The following FAM13B variants were observed in gnomAD, a reference collection of about 807,000 sequenced individuals.
The protein encoded by FAM13B is family with sequence similarity 13 member B, also known as protein FAM13B.
Under a neutral mutation model 117.3 loss-of-function variants are expected in FAM13B, and 60 were observed. The observed-to-expected ratio is 0.51, with a 90% confidence interval of 0.42 to 0.63. The LOEUF (loss-of-function observed/expected upper bound fraction) is 0.63, where lower values mean the gene tolerates loss of function less well. FAM13B is among the 30% of genes least tolerant of loss of function. The pLI, the probability that FAM13B is intolerant of heterozygous loss-of-function variation, is 0.00. For synonymous variants in FAM13B, 332 were observed against 356.1 expected, an observed-to-expected ratio of 0.93 and a Z score of 0.76; for missense variants, 972 against 1,091.9, an observed-to-expected ratio of 0.89 and a Z score of 1.55.
At chr5:137,942,150 G>A in intron 22 of FAM13B, 105 bp from the exon 23 acceptor site, 2 of 868,602 alleles carry the variant, frequency 2.3e-6, no homozygotes, top group Non-Finnish European at 3.6e-6. Flanking sequence ...GGAACTGTTA[G>A]GTCTACCAAT....
At chr5:138,004,553 A>C (rs1019755232) in intron 7 of FAM13B, among the ~76,000 whole-genome samples, 1 of 152,202 alleles carries the variant, frequency 6.6e-6, no homozygotes, top group African/African-American at 2.4e-5. Flanking sequence ...GAGCACTTGA[A>C]ATGTAGGTGG....
rs1763395521 is a variant in FAM13B at position 137,946,247 on chromosome 5, T to C, written c.2225A>G (p.Glu742Gly). 1 of 1,590,164 alleles carries C rather than the reference T, an allele frequency of 6.3e-7. No individual in the cohort carries two copies. Among genetic ancestry groups the C allele is most frequent in the Non-Finnish European group, 8.5e-7 (1 of 1,173,488 alleles). ...TATTACCGGCCTTCCATGTTGACTT[T>C]CATAGTAAAGAAGACTTTTCTGAAG... ...ASLQKSLLYYESQHGRPVTKE... is the reference protein window; with the variant it reads ...ASLQKSLLYYGSQHGRPVTKE... The change falls in exon 19 of 24, where the codon GAA (glutamate) becomes GGA (glycine). Residue 742 changes from glutamate (E) to glycine (G), a missense_variant. By Grantham distance (98) the Glu-to-Gly change is moderately conservative (BLOSUM62 -2). Transcript: ENST00000689681.
intron 11 of FAM13B, among the ~76,000 whole-genome samples, 184 bp downstream of exon 11, chr5:137,962,221 G>A (rs992449179): frequency 6.6e-6 from 1 of 152,112 alleles, no homozygotes; most frequent in Non-Finnish European, 1.5e-5. Context: ...GTCTGAACCT[G>A]TACAAATCCA....
At chr5:138,011,470 G>A (rs556320125) in intron 5 of FAM13B, among the ~76,000 whole-genome samples, 55 of 151,752 alleles carry the variant, frequency 3.6e-4, no homozygotes, top group Middle Eastern at 6.8e-3. Flanking sequence ...CCAGGCTGGA[G>A]TGCATTGGCG....
At chr5:137,982,289 A>C (rs1775982828) in intron 10 of FAM13B, among the ~76,000 whole-genome samples, 1 of 152,208 alleles carries the variant, frequency 6.6e-6, no homozygotes, top group African/African-American at 2.4e-5. Context: ...GTGGTGGCTC[A>C]GGCCTATAAT....
intron 11 of FAM13B, 39 bp downstream of exon 11, chr5:137,962,366 T>A (rs1279898961): frequency 1.3e-5 from 21 of 1,584,884 alleles, no homozygotes; most frequent in Non-Finnish European, 1.6e-5. Context: ...GAGCTCCAAT[T>A]CTCAAAATGA....
At chr5:138,037,588 A>C (rs1041333168), upstream of FAM13B, among the ~76,000 whole-genome samples, 1 of 152,006 alleles carries the variant, frequency 6.6e-6, no homozygotes, top group Non-Finnish European at 1.5e-5. Context: ...CATCCTTTAC[A>C]TGAGTTTGAC....
intron 15 of FAM13B, among the ~76,000 whole-genome samples, 177 bp downstream of exon 15, chr5:137,953,989 T>C (rs573071061): frequency 6.7e-6 from 1 of 149,912 alleles, no homozygotes; most frequent in Admixed American, 6.6e-5. Flanking sequence ...ATGTGCTCTA[T>C]AAAATCAGTG....
intron 1 of FAM13B, among the ~76,000 whole-genome samples, chr5:138,030,468 A>C (rs1257320372): frequency 1.3e-5 from 2 of 151,290 alleles, no homozygotes; most frequent in Non-Finnish European, 2.9e-5. Context: ...GCTGGCCTCA[A>C]ACTCCTAAGC....
chr5:137,985,223 TG>T, intron 10 of FAM13B, 33 bp downstream of exon 10: 4 of 1,602,492 alleles, frequency 2.5e-6, no homozygotes, highest in Non-Finnish European at 3.4e-6. Context: ...CAATCAAAGT[TG>T]TACATCTAAC....
chr5:138,038,331 G>A (rs1791352229), intron 1 of FAM13B, among the ~76,000 whole-genome samples: 1 of 152,160 alleles, frequency 6.6e-6, no homozygotes, highest in African/African-American at 2.4e-5. Context: ...AGACATGACT[G>A]TAAATACAGA....
intron 4 of FAM13B, among the ~76,000 whole-genome samples, chr5:138,017,174 TA>T (rs1785475060): frequency 1.3e-5 from 2 of 152,196 alleles, no homozygotes; most frequent in African/African-American, 2.4e-5. Context: ...TTCCTGAATA[TA>T]GCAAGTTCAA....
chr5:138,012,045 A>G (rs1784153811), intron 4 of FAM13B, 100 bp from the exon 5 acceptor site: 1 of 759,326 alleles, frequency 1.3e-6, no homozygotes, highest in African/African-American at 1.8e-5. Flanking sequence ...CCTTTTTAAT[A>G]CAACAATTCA....
Position 137,985,117 on chromosome 5 carries a change from A to C in FAM13B, c.1179+140T>G, listed in dbSNP as rs577392091. The C allele has an allele frequency of 1.2e-5, 11 of 897,798 alleles. No individual in the cohort carries two copies. In the African/African-American group the frequency reaches 1.5e-4, roughly 12 times the overall value. 55.6% of individuals were successfully genotyped at this position (897,798 alleles called of 1,614,324 possible). A position where few individuals can be genotyped will look rare whatever the true frequency, so the allele number is the denominator to read the frequency against. The stretch of plus-strand genomic sequence containing the variant: ...ACCCAGTGATGTTTCCTAAACTCTG[A>C]AACAATGTATATTCTTGGGGATTTA... On this transcript the variant is annotated intron_variant, in intron 10 of 23. Coordinates refer to ENST00000689681, the MANE Select transcript of FAM13B (RefSeq NM_001385994.1).
At chr5:137,960,098 A>G in intron 12 of FAM13B, 68 bp downstream of exon 12, 2 of 954,768 alleles carry the variant, frequency 2.1e-6, no homozygotes, top group Non-Finnish European at 3.3e-6. Flanking sequence ...AACCCACATT[A>G]AAGACCAGAC....
intron 18 of FAM13B, among the ~76,000 whole-genome samples, chr5:137,946,871 T>C (rs1228304290): frequency 6.6e-6 from 1 of 152,234 alleles, no homozygotes; most frequent in Non-Finnish European, 1.5e-5. Flanking sequence ...AGCAGTATAG[T>C]GGAAAGATCC....
At chr5:138,050,133 T>C (rs1791758192) in intron 1 of FAM13B, among the ~76,000 whole-genome samples, 1 of 151,558 alleles carries the variant, frequency 6.6e-6, no homozygotes. Context: ...GTGGAGACCC[T>C]GCCTCAAAAC....
At chr5:137,953,290 T>C in intron 16 of FAM13B, 46 bp downstream of exon 16, 1 of 1,603,078 alleles carries the variant, frequency 6.2e-7, no homozygotes, top group Non-Finnish European at 8.5e-7. Flanking sequence ...ATCCTCTCAG[T>C]TCTAATATTA....
At chr5:137,941,900 A>T in intron 23 of FAM13B, 44 bp downstream of exon 23, 1 of 1,447,520 alleles carries the variant, frequency 6.9e-7, no homozygotes, top group Non-Finnish European at 9.7e-7. Flanking sequence ...TCAGTTTGTG[A>T]GTTAGAGAAG....
Sources: gnomAD v4.1 joint callset for allele counts (sites outside exome capture counted in the v4.1 genomes callset) on GRCh38, gnomAD v4.1.1 for gene constraint, MANE v1.5 for transcripts, NCBI Gene and HGNC (gene_info 2026-07-23, HGNC 2026-07-21) for gene names.